Variants in UEVLD observed in about 807,000 individuals in gnomAD.
UEVLD encodes ubiquitin-conjugating enzyme E2 variant 3.
A neutral mutation model predicts 58.6 loss-of-function variants in UEVLD; 47 were observed. The observed-to-expected ratio is 0.80, with a 90% CI of 0.63 to 1.02. UEVLD has a LOEUF of 1.02. UEVLD is among the 50% of genes least tolerant of loss of function. The pLI, the probability that UEVLD is intolerant of heterozygous loss-of-function variation, is 0.00. For missense variants in UEVLD, 510 were observed against 550.6 expected, an observed-to-expected ratio of 0.93 and a Z score of 0.74; for synonymous variants, 197 against 195.3, an observed-to-expected ratio of 1.01 and a Z score of -0.07.
chr11:18,551,545 A>C (rs1388177967), intron 7 of UEVLD, among the ~76,000 whole-genome samples: 1 of 152,182 alleles, frequency 6.6e-6, no homozygotes, highest in Non-Finnish European at 1.5e-5. Flanking sequence ...CACAAAAGTG[A>C]ACATGATATT....
At chr11:18,565,947 G>GGA (rs1852275432) in intron 5 of UEVLD, among the ~76,000 whole-genome samples, 1 of 135,766 alleles carries the variant, frequency 7.4e-6, no homozygotes, top group South Asian at 2.3e-4. Flanking sequence ...TGCCCAGGCT[G>GGA]GAGTGCAGTT....
intron 9 of UEVLD, among the ~76,000 whole-genome samples, chr11:18,537,326 T>TATATATA (rs1242275258): frequency 9.5e-6 from 1 of 105,208 alleles, no homozygotes; most frequent in African/African-American, 3.2e-5. Flanking sequence ...ATATATATAT[T>TATATATA]TTTTTTTTTT....
chr11:18,579,352 C>G (rs537122307), intron 1 of UEVLD: 1 of 636,228 alleles, frequency 1.6e-6, no homozygotes, highest in African/African-American at 2.0e-5. Context: ...AGTCATATAG[C>G]AAGTTAAATA....
chr11:18,566,817 TAAAG>T (rs911063314), intron 4 of UEVLD, among the ~76,000 whole-genome samples: 11 of 152,090 alleles, frequency 7.2e-5, no homozygotes, highest in African/African-American at 2.7e-4. Flanking sequence ...AACTGAAAAA[TAAAG>T]GAAGAAGAAA....
At chr11:18,570,168 T>TA (rs11445836) in intron 4 of UEVLD, 46 bp downstream of exon 4, 356,236 of 1,362,418 alleles carry the variant, frequency 0.26, 8,060 homozygotes, top group East Asian at 0.37. Flanking sequence ...GATAGGTATT[T>TA]AAAAAAAAAA....
At chr11:18,557,014 C>T (rs929400975) in intron 7 of UEVLD, among the ~76,000 whole-genome samples, 45 of 148,710 alleles carry the variant, frequency 3.0e-4, no homozygotes, top group Middle Eastern at 3.5e-3. Flanking sequence ...ATAGCTTGAG[C>T]TGGGGAAGTG....
chr11:18,531,055 A>C lies in UEVLD; in HGVS notation c.*1265T>G, dbSNP rs1850542752. ...TTGTTTTTTATAAAAGCATGCCCTT[A>C]CATGAGAATGAAAGTAATCCTTTCA... On this transcript the variant is annotated 3_prime_UTR_variant, in exon 12 of 12. Coordinates refer to ENST00000396197, the MANE Select transcript of UEVLD (RefSeq NM_001040697.4). 6.6e-6 allele frequency: 1 copy of C among 152,220 alleles called. No homozygotes were observed. The highest frequency in any genetic ancestry group is 2.1e-4 in the South Asian group (1 of 4,822). The allele number at this position is 152,220 out of a possible 1,614,324, so 9.4% of individuals were successfully genotyped here.
At chr11:18,574,266 T>C (rs1433774399) in intron 3 of UEVLD, among the ~76,000 whole-genome samples, 1 of 152,188 alleles carries the variant, frequency 6.6e-6, no homozygotes, top group Admixed American at 6.5e-5. Context: ...CTCAGCCTTC[T>C]GAGTAGCTGG....
intron 1 of UEVLD, among the ~76,000 whole-genome samples, chr11:18,581,974 T>C (rs1409159577): frequency 6.6e-6 from 1 of 152,180 alleles, no homozygotes; most frequent in Non-Finnish European, 1.5e-5. Context: ...ATAACAGACT[T>C]GTTTAGTCTG....
chr11:18,564,321 A>C (rs1474327239), intron 6 of UEVLD, among the ~76,000 whole-genome samples: 4 of 152,262 alleles, frequency 2.6e-5, no homozygotes, highest in Admixed American at 1.3e-4. Flanking sequence ...CAAATGACAA[A>C]AGACATGCTG....
At chr11:18,535,041 G>C (rs1850731995) in intron 10 of UEVLD, among the ~76,000 whole-genome samples, 1 of 152,210 alleles carries the variant, frequency 6.6e-6, no homozygotes, top group Non-Finnish European at 1.5e-5. Context: ...AGATTTACAT[G>C]TACAATGTGC....
At chr11:18,561,369 G>A (rs1376007795) in intron 6 of UEVLD, among the ~76,000 whole-genome samples, 2 of 146,880 alleles carry the variant, frequency 1.4e-5, no homozygotes, top group African/African-American at 5.1e-5. Context: ...TGAGGCTGGT[G>A]CATCACCTGA....
In UEVLD at chr11:18,578,890, C is replaced by A. The variant is rs575239867; in HGVS notation, c.43-82G>T. 9 of 922,000 alleles carry A rather than the reference C, an allele frequency of 9.8e-6. 1 individual carries two copies. The highest frequency in any genetic ancestry group is 1.5e-5 in the Non-Finnish European group (9 of 615,170). 57.1% of individuals were successfully genotyped at this position (922,000 alleles called of 1,614,324 possible). ...TGCAGTTAACTTTTTTTTTTTGAGA[C>A]GGAGTCTCACTCTGTTGCCCAGGCT... On this transcript the variant is annotated intron_variant, in intron 1 of 11. Transcript: ENST00000396197.
In UEVLD at chr11:18,570,212, A is replaced by C. The variant is rs745817659; in HGVS notation, c.357+2T>G. On this transcript the variant is annotated splice_donor_variant, in intron 4 of 11. Transcript: ENST00000396197. LOFTEE classifies it high-confidence loss of function. ...TCTGTAGAAAATCCAAATTGATCTT[A>C]CATGGCTCCAGTTTTGGAGATAGGG... 78 of 1,582,442 alleles carry C rather than the reference A, an allele frequency of 4.9e-5. No homozygotes were observed. Among genetic ancestry groups the C allele is most frequent in the Non-Finnish European group, 6.6e-5 (77 of 1,169,794 alleles).
intron 4 of UEVLD, among the ~76,000 whole-genome samples, chr11:18,567,848 T>A (rs1353545724): frequency 6.6e-6 from 1 of 152,222 alleles, no homozygotes. Context: ...AATGTCTTTT[T>A]AAGACTAGTT....
At chr11:18,585,267 T>G (rs1003115706) in intron 1 of UEVLD, among the ~76,000 whole-genome samples, 14 of 152,226 alleles carry the variant, frequency 9.2e-5, no homozygotes, top group Admixed American at 4.6e-4. Flanking sequence ...TGTGTATTAT[T>G]TTAAAACGGT....
At chr11:18,560,138 C>CACACACAG (rs368897951) in intron 6 of UEVLD, among the ~76,000 whole-genome samples, 2,750 of 74,310 alleles carry the variant, frequency 0.037, 157 homozygotes, top group Non-Finnish European at 0.047. Context: ...CACACACACA[C>CACACACAG]AGAGAGAGAA....
intron 3 of UEVLD, among the ~76,000 whole-genome samples, chr11:18,573,923 C>G (rs139141719): frequency 2.6e-5 from 4 of 152,060 alleles, no homozygotes; most frequent in African/African-American, 4.8e-5. Context: ...ATCAAAGTTA[C>G]GCTGTTCTCT....
At chr11:18,545,521 T>A (rs1851271181) in intron 8 of UEVLD, among the ~76,000 whole-genome samples, 1 of 152,198 alleles carries the variant, frequency 6.6e-6, no homozygotes, top group Non-Finnish European at 1.5e-5. Flanking sequence ...CTGGGCTCAC[T>A]GCAACCTCTG....
Sources: gnomAD v4.1 joint callset for allele counts (sites outside exome capture counted in the v4.1 genomes callset) on GRCh38, gnomAD v4.1.1 for gene constraint, MANE v1.5 for transcripts, NCBI Gene and HGNC (gene_info 2026-07-23, HGNC 2026-07-21) for gene names.